ACTN3: variants seen among roughly 807,000 people sequenced by gnomAD.
ACTN3 encodes the protein alpha-actinin-3.
Under a neutral mutation model 119.6 loss-of-function variants are expected in ACTN3, and 91 were observed. The observed-to-expected ratio is 0.76, with a 90% confidence interval of 0.64 to 0.91. The LOEUF (loss-of-function observed/expected upper bound fraction) is 0.91, where lower values mean the gene tolerates loss of function less well. Among genes scored for constraint, ACTN3 ranks in the 40% least tolerant of loss-of-function variants. The pLI is 0.00. For synonymous variants in ACTN3, 456 were observed against 478.8 expected, an observed-to-expected ratio of 0.95 and a Z score of 0.62; for missense variants, 1,221 against 1,215.1, an observed-to-expected ratio of 1.00 and a Z score of -0.07.
intron 9 of ACTN3, 73 bp from the exon 10 acceptor site, chr11:66,557,626 G>C: frequency 6.7e-7 from 1 of 1,482,924 alleles, no homozygotes; most frequent in Non-Finnish European, 9.2e-7. Context: ...GCCTGGGTGT[G>C]GGTGGAGAGG....
rs1257866727 is a variant in ACTN3, at chr11:66,559,511, T to C, written c.1427+125T>C. On this transcript the variant is annotated intron_variant, in intron 12 of 20. Coordinates refer to ENST00000513398, the MANE Select transcript of ACTN3 (RefSeq NM_001104.4). ...TCTCCTGGGTTCTGTAACCCCGCCG[T>C]GGTACCCAGGTCCCATTCGCTCCGC... is the stretch of plus-strand genomic sequence containing the variant. 8 of 1,015,272 alleles carry C rather than the reference T, an allele frequency of 7.9e-6. No homozygotes were observed. The East Asian group carries it at 1.7e-4, about 22-fold the overall frequency. 62.9% of individuals were successfully genotyped at this position (1,015,272 alleles called of 1,614,324 possible). A position where few individuals can be genotyped will look rare whatever the true frequency, so the allele number is the denominator to read the frequency against.
chr11:66,560,139 G>A (rs1240303355), intron 13 of ACTN3, 32 bp from the exon 14 acceptor site: 1 of 1,568,710 alleles, frequency 6.4e-7, no homozygotes, highest in Non-Finnish European at 8.6e-7. Context: ...CTGCAGGGCA[G>A]GCTTCTGACC....
chr11:66,559,204 T>G lies in ACTN3; in HGVS notation c.1277-32T>G, dbSNP rs549725134. 50 of 1,459,112 alleles carry G rather than the reference T, an allele frequency of 3.4e-5. No homozygotes were observed. The South Asian group carries it at 6.9e-4, about 20-fold the overall frequency. The allele number at this position is 1,459,112 out of a possible 1,614,324, so 90.4% of individuals were successfully genotyped here. ...CGCGCACCCCTGCCCCTGCCGCCACTGGGTGACCGGAGCCGGCATCTCTTT... is the reference window on the plus strand; with the variant it reads ...CGCGCACCCCTGCCCCTGCCGCCACGGGGTGACCGGAGCCGGCATCTCTTT... On this transcript the variant is annotated intron_variant, in intron 11 of 20. Transcript: ENST00000513398.
chr11:66,553,962 G>C, intron 3 of ACTN3, 83 bp from the exon 4 acceptor site: 1 of 1,196,758 alleles, frequency 8.4e-7, no homozygotes, highest in East Asian at 2.4e-5. Flanking sequence ...CCAGAGGGCT[G>C]ATCAGAGGGG....
chr11:66,546,692 C>T (rs1412009229), upstream of ACTN3: 1 of 1,533,070 alleles, frequency 6.5e-7, no homozygotes. Context: ...GCCCCAGCAG[C>T]GGAGCAGGAA....
chr11:66,560,497 G>C, intron 14 of ACTN3, 76 bp from the exon 15 acceptor site: 1 of 1,523,246 alleles, frequency 6.6e-7, no homozygotes, highest in Non-Finnish European at 8.8e-7. Context: ...GGGTGGCCTG[G>C]GGCACACTGC....
At chr11:66,550,231 C>A (rs1200866534) in intron 1 of ACTN3, among the ~76,000 whole-genome samples, 1 of 152,186 alleles carries the variant, frequency 6.6e-6, no homozygotes, top group Non-Finnish European at 1.5e-5. Context: ...CCCTAGATCA[C>A]AGAGCATGAG....
At chr11:66,546,537 A>G, upstream of ACTN3, 1 of 1,535,546 alleles carries the variant, frequency 6.5e-7, no homozygotes, top group Non-Finnish European at 8.7e-7. Context: ...GTGTCCCACC[A>G]GCGAGGTGCT....
Position 66,560,818 on chromosome 11 carries a change from C to T in ACTN3, c.1860+63C>T, listed in dbSNP as rs148740903. ...GCATACTGTGACCACCCTGAAATCT[C>T]GGGTGGCCCAAGATATGGAGAATAA... On this transcript the variant is annotated intron_variant, in intron 15 of 20. Coordinates refer to ENST00000513398, the MANE Select transcript of ACTN3 (RefSeq NM_001104.4). The T allele has an allele frequency of 3.5e-3, 5,244 of 1,513,426 alleles. 15 individuals are homozygous for T. The highest frequency in any genetic ancestry group is 4.4e-3 in the Non-Finnish European group (4,894 of 1,112,082). The allele number at this position is 1,513,426 out of a possible 1,614,324, so 93.7% of individuals were successfully genotyped here. A position where few individuals can be genotyped will look rare whatever the true frequency, so the allele number is the denominator to read the frequency against.
Position 66,559,354 on chromosome 11 carries a change from G to A in ACTN3, c.1395G>A (p.Val465=), listed in dbSNP as rs1419712089. The change falls in exon 12 of 21, where the codon GTG becomes GTA. Residue 465 remains valine (V), a synonymous_variant. Transcript: ENST00000513398. ...ACCTGGCGGCGCACCAGGACCGCGTGGAGCACATTGCCGCGCTGGCCCAGG... is the reference window on the plus strand; with the variant it reads ...ACCTGGCGGCGCACCAGGACCGCGTAGAGCACATTGCCGCGCTGGCCCAGG... The part of the protein sequence containing the change: ...ESDLAAHQDR[V]EHIAALAQEL... 6.4e-7 allele frequency: 1 copy of A among 1,565,912 alleles called. No homozygotes were observed. Among genetic ancestry groups the A allele is most frequent in the Non-Finnish European group, 8.6e-7 (1 of 1,160,428 alleles).
chr11:66,557,269 T>G, intron 9 of ACTN3, 44 bp downstream of exon 9: 2 of 1,516,802 alleles, frequency 1.3e-6, no homozygotes, highest in Non-Finnish European at 1.8e-6. Flanking sequence ...CCAGCCCTAC[T>G]GGCTCTCCCA....
intron 17 of ACTN3, 116 bp from the exon 18 acceptor site, chr11:66,561,906 G>T (rs971244447): frequency 3.4e-5 from 43 of 1,283,358 alleles, no homozygotes; most frequent in Non-Finnish European, 4.5e-5. Context: ...GATGGGGATG[G>T]AGGCCCAGTG....
In ACTN3 at chr11:66,557,210, G is replaced by A; in HGVS notation, c.882G>A (p.Glu294=). 1 of 1,553,254 alleles carries A rather than the reference G, an allele frequency of 6.4e-7. No individual in the cohort carries two copies. The highest frequency in any genetic ancestry group is 8.7e-7 in the Non-Finnish European group (1 of 1,147,904). The part of the protein sequence containing the change: ...QENEKLMEEY[E]KLASELLEWI... Reference sequence around the variant, plus strand: ...ACGAGAAGCTGATGGAGGAGTATGAGAAGCTTGCCAGTGAGGTGAGGCTGG... The same window carrying A: ...ACGAGAAGCTGATGGAGGAGTATGAAAAGCTTGCCAGTGAGGTGAGGCTGG... Residue 294 remains glutamate, a synonymous_variant, in exon 9 of 21, where the codon GAG becomes GAA. Coordinates refer to ENST00000513398, the MANE Select transcript of ACTN3 (RefSeq NM_001104.4).
At chr11:66,551,761 C>T in intron 3 of ACTN3, 114 bp downstream of exon 3, 2 of 1,456,288 alleles carry the variant, frequency 1.4e-6, no homozygotes, top group Non-Finnish European at 9.3e-7. Flanking sequence ...TAATCCCTGC[C>T]TCGCAAGAGA....
At chr11:66,551,812 A>C in intron 3 of ACTN3, 165 bp downstream of exon 3, 10 of 633,866 alleles carry the variant, frequency 1.6e-5, no homozygotes, top group Non-Finnish European at 1.8e-5. Flanking sequence ...ACGGTGGCTC[A>C]CGCCTGTAAT....
Position 66,558,127 on chromosome 11 carries a change from C to T in ACTN3, c.1229C>T (p.Ala410Val), listed in dbSNP as rs1028224789. The T allele has an allele frequency of 3.7e-6, 6 of 1,613,802 alleles. No homozygotes were observed. The African/African-American group carries it at 6.7e-5, about 18-fold the overall frequency. ...IRRLQRLQHL[A>V]EKFRQKASLH... ...CGCCTGCAGCGACTCCAGCACCTGG[C>T]TGAGAAGTTCCGGCAGAAGGCCTCC... The change falls in exon 11 of 21, where the codon GCT (alanine) becomes GTT (valine). Residue 410 changes from alanine to valine, a missense_variant. Physicochemically the swap from Ala to Val is moderately conservative, Grantham distance 64. Transcript: ENST00000513398.
chr11:66,547,419 T>C (rs1166270107), intron 1 of ACTN3, among the ~76,000 whole-genome samples: 1 of 152,088 alleles, frequency 6.6e-6, no homozygotes, highest in Non-Finnish European at 1.5e-5. Flanking sequence ...AGAAGAATCT[T>C]CTTCTAGTTA....
chr11:66,552,167 CAGG>C (rs1426274688), intron 3 of ACTN3, among the ~76,000 whole-genome samples: 1 of 151,178 alleles, frequency 6.6e-6, no homozygotes, highest in Non-Finnish European at 1.5e-5. Flanking sequence ...CTCACGAGGT[CAGG>C]AGATCAAGAC....
intron 12 of ACTN3, 58 bp from the exon 13 acceptor site, chr11:66,559,910 G>T: frequency 6.7e-7 from 1 of 1,497,772 alleles, no homozygotes; most frequent in Non-Finnish European, 9.1e-7. Flanking sequence ...CCCTGGGAGT[G>T]CAGTTAGGAC....
Sources: gnomAD v4.1 joint callset for allele counts (sites outside exome capture counted in the v4.1 genomes callset) on GRCh38, gnomAD v4.1.1 for gene constraint, MANE v1.5 for transcripts, NCBI Gene and HGNC (gene_info 2026-07-23, HGNC 2026-07-21) for gene names.